The following TNIK variants were observed in gnomAD, a reference collection of about 807,000 sequenced individuals.
The protein encoded by TNIK is TRAF2 and NCK interacting kinase, also known as TRAF2 and NCK-interacting protein kinase.
In TNIK, 49 loss-of-function variants were observed where a neutral mutation model predicts 191.3. The ratio of observed to expected loss-of-function variants is 0.26; its 90% CI spans 0.20 to 0.32. The LOEUF is 0.32. Ranked by LOEUF, TNIK falls within the 10% of genes least tolerant of loss-of-function variation. TNIK has a pLI of 1.00. For missense variants in TNIK, 1,155 were observed against 1,702.3 expected, an observed-to-expected ratio of 0.68 and a Z score of 5.66; for synonymous variants, 594 against 600.9, an observed-to-expected ratio of 0.99 and a Z score of 0.17.
At chr3:171,099,006 C>A (rs1056448349) in intron 22 of TNIK, among the ~76,000 whole-genome samples, 1 of 152,180 alleles carries the variant, frequency 6.6e-6, no homozygotes, top group Non-Finnish European at 1.5e-5. Context: ...TCATTTCCAT[C>A]TATCTAAAGT....
rs201028493 is a variant in TNIK, at chr3:171,201,799, A to ACTAT, written c.307-7168_307-7165dup. ...TACATTCATTTTTAAACTAGCATGTACTATCTATCTATCTATATATAAACT... is the reference window on the plus strand; with the variant it reads ...TACATTCATTTTTAAACTAGCATGTACTATCTATCTATCTATCTATATATAAACT... On this transcript the variant is annotated intron_variant, in intron 4 of 32. Coordinates refer to ENST00000436636, the MANE Select transcript of TNIK (RefSeq NM_015028.4). Among the ~76,000 whole-genome samples the ACTAT allele has an allele frequency of 7.4e-4, 112 of 151,734 alleles. 2 individuals are homozygous for ACTAT. The highest frequency in any genetic ancestry group is 2.6e-3 in the African/African-American group (106 of 41,524).
chr3:171,127,439 A>T (rs1365345043), intron 16 of TNIK, among the ~76,000 whole-genome samples: 2 of 152,054 alleles, frequency 1.3e-5, no homozygotes, highest in African/African-American at 4.8e-5. Context: ...AAATAAAAAA[A>T]TAAAAAAAAC....
chr3:171,121,004 A>G (rs1727674275), intron 18 of TNIK, among the ~76,000 whole-genome samples: 1 of 152,160 alleles, frequency 6.6e-6, no homozygotes, highest in African/African-American at 2.4e-5. Flanking sequence ...GAACTTAGCA[A>G]ATGAATTAAA....
At chr3:171,303,028 A>G (rs1753048585) in intron 2 of TNIK, among the ~76,000 whole-genome samples, 2 of 152,230 alleles carry the variant, frequency 1.3e-5, no homozygotes, top group African/African-American at 4.8e-5. Flanking sequence ...ATTACTTTAT[A>G]TAATAACAAA....
intron 2 of TNIK, among the ~76,000 whole-genome samples, chr3:171,233,768 G>C (rs1743948553): frequency 6.6e-6 from 1 of 152,178 alleles, no homozygotes; most frequent in South Asian, 2.1e-4. Flanking sequence ...GCAAATATTT[G>C]CTGAAAAACA....
At chr3:171,305,009 TAAAA>T (rs36069177) in intron 2 of TNIK, among the ~76,000 whole-genome samples, 2 of 77,280 alleles carry the variant, frequency 2.6e-5, no homozygotes, top group South Asian at 7.7e-4. Flanking sequence ...AAAGTATAAT[TAAAA>T]AAAAAAAAAA....
In TNIK at chr3:171,093,923, C is replaced by T. The variant is rs751032694; in HGVS notation, c.2637G>A (p.Met879Ile). Residue 879 changes from methionine (M) to isoleucine (I), a missense_variant, in exon 23 of 33, where the codon ATG (methionine) becomes ATA (isoleucine). Coordinates refer to ENST00000436636, the MANE Select transcript of TNIK (RefSeq NM_015028.4). ...AGGTCTCCAGCCCATGCGTCCCCAC[C>T]ATTCCCACATTGTACTGCTCGTTGC... ...PGSNEQYNVG[M>I]VGTHGLETSH... 6.2e-7 allele frequency: 1 copy of T among 1,613,926 alleles called. No individual in the cohort carries two copies. The highest frequency in any genetic ancestry group is 1.1e-5 in the South Asian group (1 of 91,060).
chr3:171,346,330 T>C (rs531266762), intron 2 of TNIK, among the ~76,000 whole-genome samples: 119 of 152,350 alleles, frequency 7.8e-4, no homozygotes, highest in African/African-American at 2.5e-3. Context: ...TATGTAACCT[T>C]GTGCCCTATT....
At chr3:171,120,183 C>A (rs541391441) in intron 18 of TNIK, among the ~76,000 whole-genome samples, 2 of 152,110 alleles carry the variant, frequency 1.3e-5, no homozygotes, top group African/African-American at 2.4e-5. Context: ...CCCAAATGAT[C>A]AAAAAACATC....
intron 11 of TNIK, among the ~76,000 whole-genome samples, chr3:171,158,062 C>T (rs1324929182): frequency 6.6e-6 from 1 of 152,190 alleles, no homozygotes; most frequent in Non-Finnish European, 1.5e-5. Context: ...TGGTGGGCAA[C>T]AAGGGTACTC....
At chr3:171,208,849 C>T (rs1740434555) in intron 4 of TNIK, among the ~76,000 whole-genome samples, 1 of 152,098 alleles carries the variant, frequency 6.6e-6, no homozygotes, top group Non-Finnish European at 1.5e-5. Context: ...CGTGAGCCAC[C>T]CTCGCACCCA....
chr3:171,096,919 A>C (rs1013514556), intron 22 of TNIK, among the ~76,000 whole-genome samples: 3 of 152,238 alleles, frequency 2.0e-5, no homozygotes, highest in African/African-American at 7.2e-5. Flanking sequence ...TGAATTGATA[A>C]GTAATTGGCT....
intron 24 of TNIK, among the ~76,000 whole-genome samples, chr3:171,087,084 G>A (rs1422397506): frequency 6.6e-6 from 1 of 152,108 alleles, no homozygotes; most frequent in Non-Finnish European, 1.5e-5. Context: ...GTGTGTCTTG[G>A]ACAAGTCATT....
intron 4 of TNIK, among the ~76,000 whole-genome samples, chr3:171,206,440 T>C (rs149685636): frequency 1.4e-3 from 213 of 151,626 alleles, no homozygotes; most frequent in African/African-American, 5.0e-3. Context: ...GCCATCTCCA[T>C]GAGAAGAGCA....
At chr3:171,350,170 C>A (rs762379646) in intron 2 of TNIK, among the ~76,000 whole-genome samples, 4 of 152,152 alleles carry the variant, frequency 2.6e-5, no homozygotes, top group African/African-American at 7.2e-5. Context: ...AATATTTACA[C>A]AAAATATTGC....
rs186309461 is a variant in TNIK at position 171,069,047 on chromosome 3, A to G, written c.3550-50T>C. 1.9e-6 allele frequency: 3 copies of G among 1,561,640 alleles called. No individual in the cohort carries two copies. The East Asian group carries it at 6.8e-5, about 35-fold the overall frequency. ...CCGCATCACTCAAAGAGGCATCTTA[A>G]TTTTTTTCCTTTAGCCACTGTCTAG... is the stretch of plus-strand genomic sequence containing the variant. On this transcript the variant is annotated intron_variant, in intron 29 of 32. Transcript: ENST00000436636.
intron 7 of TNIK, among the ~76,000 whole-genome samples, chr3:171,180,612 C>T (rs779452099): frequency 6.6e-6 from 1 of 152,170 alleles, no homozygotes; most frequent in African/African-American, 2.4e-5. Context: ...GTAGCAAAAC[C>T]TAAGTGTTCT....
chr3:171,277,212 C>A (rs777772288), intron 2 of TNIK, among the ~76,000 whole-genome samples: 6 of 152,160 alleles, frequency 3.9e-5, no homozygotes, highest in Admixed American at 3.9e-4. Context: ...AGCCCCTTGA[C>A]CTTGAGATCT....
chr3:171,152,770 T>C (rs905672976), intron 12 of TNIK, among the ~76,000 whole-genome samples: 2 of 65,022 alleles, frequency 3.1e-5, no homozygotes, highest in Admixed American at 3.1e-4. Context: ...TTGTTTTTTG[T>C]TTTTTGTTTT....
Sources: gnomAD v4.1 joint callset for allele counts (sites outside exome capture counted in the v4.1 genomes callset) on GRCh38, gnomAD v4.1.1 for gene constraint, MANE v1.5 for transcripts, NCBI Gene and HGNC (gene_info 2026-07-23, HGNC 2026-07-21) for gene names.